Variants in TMEM163 observed in about 807,000 individuals in gnomAD.
The protein encoded by TMEM163 is transmembrane protein 163.
In TMEM163, 17 loss-of-function variants were observed where a neutral mutation model predicts 29.3. The ratio of observed to expected loss-of-function variants is 0.58; its 90% CI spans 0.40 to 0.87. The LOEUF (loss-of-function observed/expected upper bound fraction) is 0.87, where lower values mean the gene tolerates loss of function less well. TMEM163 is among the 40% of genes least tolerant of loss of function. The pLI is 0.00. For missense variants in TMEM163, 303 were observed against 381.5 expected, an observed-to-expected ratio of 0.79 and a Z score of 1.71; for synonymous variants, 157 against 160.6, an observed-to-expected ratio of 0.98 and a Z score of 0.17.
intron 2 of TMEM163, among the ~76,000 whole-genome samples, chr2:134,701,419 A>G (rs1469955449): frequency 6.6e-6 from 1 of 152,214 alleles, no homozygotes; most frequent in Non-Finnish European, 1.5e-5. Flanking sequence ...GACTGGCAAT[A>G]GGGAGGTTTG....
chr2:134,678,535 A>C (rs1035333075), intron 2 of TMEM163, among the ~76,000 whole-genome samples: 2 of 152,228 alleles, frequency 1.3e-5, no homozygotes, highest in Non-Finnish European at 2.9e-5. Context: ...TGAGGAAAGG[A>C]CTGTGCCATC....
chr2:134,495,672 C>A (rs1243253930), intron 5 of TMEM163, among the ~76,000 whole-genome samples: 3 of 152,218 alleles, frequency 2.0e-5, no homozygotes, highest in Admixed American at 6.5e-5. Context: ...TAGGCCCCAA[C>A]AGACCAGACC....
At chr2:134,679,111 C>A (rs954114479) in intron 2 of TMEM163, among the ~76,000 whole-genome samples, 2 of 152,106 alleles carry the variant, frequency 1.3e-5, no homozygotes, top group Non-Finnish European at 2.9e-5. Flanking sequence ...CCAGGCCAGG[C>A]CTCAGCCCTT....
intron 2 of TMEM163, among the ~76,000 whole-genome samples, chr2:134,632,909 ATTTTTT>A (rs57488299): frequency 8.4e-6 from 1 of 118,638 alleles, no homozygotes; most frequent in East Asian, 2.4e-4. Flanking sequence ...CACCCAGCTA[ATTTTTT>A]TTTTTTTTTT....
chr2:134,511,153 C>CA lies in TMEM163; in HGVS notation c.459-8157_459-8156insT, dbSNP rs1553475797. Among the ~76,000 whole-genome samples, 51 of 122,436 alleles carry CA rather than the reference C, an allele frequency of 4.2e-4. 3 individuals carry two copies. In the East Asian group the frequency reaches 0.011, roughly 27 times the overall value. 80.3% of individuals were successfully genotyped at this position (122,436 alleles called of 152,430 possible). A position where few individuals can be genotyped will look rare whatever the true frequency, so the allele number is the denominator to read the frequency against. On this transcript the variant is annotated intron_variant, in intron 4 of 7. Transcript: ENST00000281924. ...AAGCAGAAAAAAGGGGAGAACAAGG[C>CA]GGGGGGGGGTGCTGTTACTTTATAT... is the stretch of plus-strand genomic sequence containing the variant.
At chr2:134,630,215 T>C (rs1156759546) in intron 2 of TMEM163, among the ~76,000 whole-genome samples, 1 of 152,062 alleles carries the variant, frequency 6.6e-6, no homozygotes, top group Non-Finnish European at 1.5e-5. Context: ...ATAATAATTA[T>C]ACACATGAAA....
chr2:134,533,865 T>C (rs551822371), intron 4 of TMEM163, among the ~76,000 whole-genome samples: 36 of 152,276 alleles, frequency 2.4e-4, no homozygotes, highest in Admixed American at 5.2e-4. Flanking sequence ...AGGCCCTTTG[T>C]TTGCAGCAAT....
chr2:134,580,855 G>A (rs1327705008), intron 2 of TMEM163, among the ~76,000 whole-genome samples: 1 of 152,224 alleles, frequency 6.6e-6, no homozygotes, highest in Non-Finnish European at 1.5e-5. Flanking sequence ...GGAGGTTGCA[G>A]TGAGCCAAGA....
intron 4 of TMEM163, among the ~76,000 whole-genome samples, chr2:134,520,290 TC>T (rs1271297842): frequency 6.6e-6 from 1 of 152,202 alleles, no homozygotes; most frequent in African/African-American, 2.4e-5. Flanking sequence ...TTCCATGAAG[TC>T]CACCGCAATG....
chr2:134,693,260 A>T lies in TMEM163; in HGVS notation c.322+19940T>A, dbSNP rs1040304733. 1.1e-4 allele frequency among the ~76,000 whole-genome samples: 16 copies of T among 152,296 alleles called. 1 individual carries two copies. Among genetic ancestry groups the T allele is most frequent in the Admixed American group, 6.5e-5 (1 of 15,294 alleles). On this transcript the variant is annotated intron_variant, in intron 2 of 7. Transcript: ENST00000281924. ...GCCCTGCTTGAAGAGTAAGACATTT[A>T]AAAAAATAAATTTTAACATTGGTTT...
At chr2:134,702,675 TA>T (rs146940874) in intron 2 of TMEM163, among the ~76,000 whole-genome samples, 1 of 150,976 alleles carries the variant, frequency 6.6e-6, no homozygotes, top group Non-Finnish European at 1.5e-5. Context: ...TAATTAAAAA[TA>T]AAAAAAATTT....
intron 2 of TMEM163, among the ~76,000 whole-genome samples, chr2:134,698,100 G>C (rs932214609): frequency 1.4e-4 from 21 of 152,162 alleles, no homozygotes; most frequent in Non-Finnish European, 2.8e-4. Context: ...TCTTTGCTGT[G>C]AGGGGCTGTC....
rs147242163 is a variant in TMEM163 at position 134,457,358 on chromosome 2, G to A, written c.810-582C>T. Among the ~76,000 whole-genome samples the A allele has an allele frequency of 2.0e-4, 31 of 152,314 alleles. No individual in the cohort carries two copies. The East Asian group carries it at 4.4e-3, about 22-fold the overall frequency. On this transcript the variant is annotated intron_variant, in intron 7 of 7. Transcript: ENST00000281924. ...ACTCTGCGTCCATGGCAGCACCATC[G>A]TCCATTCCCACAGCCATGGATGAGG...
rs138342254 is a variant in TMEM163 at position 134,539,048 on chromosome 2, T to C, written c.458+11522A>G. 9.8e-5 allele frequency among the ~76,000 whole-genome samples: 15 copies of C among 152,302 alleles called. 2 individuals are homozygous for C. Among genetic ancestry groups the C allele is most frequent in the African/African-American group, 3.6e-4 (15 of 41,564 alleles). On this transcript the variant is annotated intron_variant, in intron 4 of 7. Transcript: ENST00000281924. ...CTATCTCTGTTTTGCCTGGAAAGCCTGCTAAAAATAACCCCCATGTATTGA... is the reference window on the plus strand; with the variant it reads ...CTATCTCTGTTTTGCCTGGAAAGCCCGCTAAAAATAACCCCCATGTATTGA...
At chr2:134,624,222 G>A (rs1301647950) in intron 2 of TMEM163, among the ~76,000 whole-genome samples, 1 of 152,184 alleles carries the variant, frequency 6.6e-6, no homozygotes, top group Non-Finnish European at 1.5e-5. Flanking sequence ...GCTCATTGCT[G>A]AAAACTGTGA....
intron 4 of TMEM163, among the ~76,000 whole-genome samples, chr2:134,515,155 G>A (rs538926848): frequency 6.6e-6 from 1 of 152,206 alleles, no homozygotes; most frequent in Non-Finnish European, 1.5e-5. Flanking sequence ...TAACAGATGA[G>A]TCATCTCGAG....
chr2:134,632,887 C>A (rs867304908), intron 2 of TMEM163, among the ~76,000 whole-genome samples: 1 of 151,270 alleles, frequency 6.6e-6, no homozygotes, highest in South Asian at 2.1e-4. Context: ...GGACGACAGG[C>A]ACCCGCCACC....
rs569622526 is a variant in TMEM163, at chr2:134,591,699, T to A, written c.323-39608A>T. Among the ~76,000 whole-genome samples, 3 of 152,310 alleles carry A rather than the reference T, an allele frequency of 2.0e-5. No individual in the cohort carries two copies. In the East Asian group the frequency reaches 5.8e-4, roughly 29 times the overall value. ...CACAACACTGTTCCATTTACAAATG[T>A]TCCTGGCTCCCCAGTGTCTACCAAA... On this transcript the variant is annotated intron_variant, in intron 2 of 7. Coordinates refer to ENST00000281924, the MANE Select transcript of TMEM163 (RefSeq NM_030923.5).
chr2:134,538,832 G>A (rs1680598437), intron 4 of TMEM163, among the ~76,000 whole-genome samples: 1 of 152,160 alleles, frequency 6.6e-6, no homozygotes, highest in South Asian at 2.1e-4. Flanking sequence ...CATGGGGAAG[G>A]AGACCTGGGA....
Sources: gnomAD v4.1 joint callset for allele counts (sites outside exome capture counted in the v4.1 genomes callset) on GRCh38, gnomAD v4.1.1 for gene constraint, MANE v1.5 for transcripts, NCBI Gene and HGNC (gene_info 2026-07-23, HGNC 2026-07-21) for gene names.